ANKRD28: variants seen among roughly 807,000 people sequenced by gnomAD.
ANKRD28 encodes the protein ankyrin repeat domain 28.
A neutral mutation model predicts 126.5 loss-of-function variants in ANKRD28; 44 were observed. That is an observed-to-expected ratio of 0.35 (90% CI 0.27 to 0.45). The LOEUF (loss-of-function observed/expected upper bound fraction) is 0.45. Among genes scored for constraint, ANKRD28 ranks in the 20% least tolerant of loss-of-function variants. The pLI is 1.00. For synonymous variants in ANKRD28, 442 were observed against 468.5 expected (o/e 0.94, Z 0.73); for missense variants, 1,110 against 1,316.6 (o/e 0.84, Z 2.43).
At chr3:15,715,670 A>G (rs1559393412) in intron 8 of ANKRD28, among the ~76,000 whole-genome samples, 1 of 152,182 alleles carries the variant, frequency 6.6e-6, no homozygotes, top group Non-Finnish European at 1.5e-5. Context: ...TACCACAAGC[A>G]AGATTTTTGG....
chr3:15,672,427 C>G (rs1476367898), intron 27 of ANKRD28, among the ~76,000 whole-genome samples: 1 of 152,184 alleles, frequency 6.6e-6, no homozygotes, highest in East Asian at 1.9e-4. Context: ...TAGGAGTAAG[C>G]CACTGTGCCC....
chr3:15,732,780 T>G (rs2074732608), intron 6 of ANKRD28: 1 of 152,174 alleles, frequency 6.6e-6, no homozygotes, highest in Admixed American at 6.5e-5. Flanking sequence ...TTTTCCCATT[T>G]GAGGGGAAGA....
chr3:15,829,518 G>C (rs2121734), intron 1 of ANKRD28, among the ~76,000 whole-genome samples: 20,270 of 152,032 alleles, frequency 0.13, 2,045 homozygotes, highest in East Asian at 0.56. Flanking sequence ...AAAATCCATT[G>C]GTCTAACTGA....
intron 5 of ANKRD28, 77 bp downstream of exon 5, chr3:15,736,956 C>A (rs2075060602): frequency 6.8e-7 from 1 of 1,475,492 alleles, no homozygotes; most frequent in Admixed American, 1.8e-5. Context: ...CTTTACTATG[C>A]AAAAATGCAA....
At chr3:15,794,948 A>C (rs2060207794) in intron 2 of ANKRD28, among the ~76,000 whole-genome samples, 1 of 152,186 alleles carries the variant, frequency 6.6e-6, no homozygotes, top group African/African-American at 2.4e-5. Flanking sequence ...TGCCAAAAGT[A>C]AGTGAAAGGT....
At chr3:15,823,150 C>T (rs981468803) in intron 1 of ANKRD28, among the ~76,000 whole-genome samples, 4 of 152,156 alleles carry the variant, frequency 2.6e-5, no homozygotes, top group East Asian at 1.9e-4. Context: ...GGGCTGAAAT[C>T]GTTTCACCTC....
chr3:15,697,668 G>A (rs918972692), intron 14 of ANKRD28, among the ~76,000 whole-genome samples: 3 of 152,122 alleles, frequency 2.0e-5, no homozygotes, highest in Non-Finnish European at 2.9e-5. Flanking sequence ...TTTTATTGAG[G>A]ATTTTCGCAT....
In ANKRD28 at chr3:15,812,104, G is replaced by C. The variant is rs1008752718; in HGVS notation, c.28-16798C>G. Among the ~76,000 whole-genome samples, 1 of 152,006 alleles carries C rather than the reference G, an allele frequency of 6.6e-6. No homozygotes were observed. The highest frequency in any genetic ancestry group is 1.5e-5 in the Non-Finnish European group (1 of 67,992). On this transcript the variant is annotated intron_variant, in intron 1 of 27. Coordinates refer to the ANKRD28 transcript ENST00000399451. The surrounding 1 kb of genome is among the most constrained non-coding windows in gnomAD (Gnocchi z 4.1). ...GGAGGCTGAGGTTGCAGTGAGCTGA[G>C]ATTGAGGCACTGCACTCCAGCCTGG...
chr3:15,728,292 GTAAT>G (rs113830679), intron 6 of ANKRD28, among the ~76,000 whole-genome samples: 94,892 of 151,508 alleles, frequency 0.63, 31,104 homozygotes, highest in East Asian at 0.91. Flanking sequence ...AACATATTTT[GTAAT>G]TAATTAATTA....
chr3:15,818,568 T>G (rs2060880610), intron 1 of ANKRD28, among the ~76,000 whole-genome samples: 1 of 152,180 alleles, frequency 6.6e-6, no homozygotes, highest in African/African-American at 2.4e-5. Context: ...ACATACCCTA[T>G]GATAAAGTTT....
chr3:15,716,228 C>T (rs1007175481), intron 8 of ANKRD28, among the ~76,000 whole-genome samples: 4 of 151,030 alleles, frequency 2.6e-5, no homozygotes, highest in South Asian at 4.2e-4. Context: ...GTAATCCACC[C>T]GCCTCGGCCT....
At chr3:15,850,198 A>ATATATAT (rs1553649981) in intron 1 of ANKRD28, among the ~76,000 whole-genome samples, 7 of 42,134 alleles carry the variant, frequency 1.7e-4, no homozygotes, top group East Asian at 4.0e-3. Context: ...AATAAAAAAA[A>ATATATAT]AAAAAAATAT....
intron 18 of ANKRD28, among the ~76,000 whole-genome samples, chr3:15,688,622 T>C (rs1382499907): frequency 5.9e-5 from 9 of 152,196 alleles, no homozygotes; most frequent in Admixed American, 3.9e-4. Context: ...GTGGGTGTTA[T>C]CAATAGTCTT....
At chr3:15,698,644 C>T (rs563526846) in intron 14 of ANKRD28, among the ~76,000 whole-genome samples, 2 of 152,202 alleles carry the variant, frequency 1.3e-5, no homozygotes, top group South Asian at 4.2e-4. Flanking sequence ...TTCACAACTG[C>T]TACAAAGAGA....
intron 2 of ANKRD28, among the ~76,000 whole-genome samples, chr3:15,784,501 T>TA (rs74656464): frequency 5.8e-4 from 86 of 148,092 alleles, no homozygotes; most frequent in South Asian, 1.3e-3. Flanking sequence ...GACATTTACT[T>TA]AAAAAAAAAA....
chr3:15,694,078 C>T (rs2069184448), intron 17 of ANKRD28, among the ~76,000 whole-genome samples: 1 of 152,038 alleles, frequency 6.6e-6, no homozygotes, highest in South Asian at 2.1e-4. Context: ...CTCTAACATG[C>T]TTTGTCTCAA....
At chr3:15,790,764 A>C (rs887847871) in intron 2 of ANKRD28, among the ~76,000 whole-genome samples, 9 of 152,142 alleles carry the variant, frequency 5.9e-5, no homozygotes, top group African/African-American at 2.2e-4. Flanking sequence ...CTGTTATTTA[A>C]CATAGTACTG....
At chr3:15,672,160 T>C (rs1212901942) in intron 27 of ANKRD28, among the ~76,000 whole-genome samples, 2 of 151,872 alleles carry the variant, frequency 1.3e-5, no homozygotes, top group East Asian at 1.9e-4. Context: ...TTTTTTTTTT[T>C]TTTGAGACAG....
chr3:15,716,631 G>A (rs923995073), intron 8 of ANKRD28, among the ~76,000 whole-genome samples: 1 of 151,864 alleles, frequency 6.6e-6, no homozygotes, highest in Admixed American at 6.6e-5. Flanking sequence ...AGATTCCATT[G>A]ATAAGAAGGA....
Sources: gnomAD v4.1 joint callset for allele counts (sites outside exome capture counted in the v4.1 genomes callset) on GRCh38, gnomAD v4.1.1 for gene constraint, Gnocchi (gnomAD v3.1) non-coding constraint, MANE v1.5 for transcripts, NCBI Gene and HGNC (gene_info 2026-07-23, HGNC 2026-07-21) for gene names.